The following KIRREL3 variants were observed in gnomAD, a reference collection of about 807,000 sequenced individuals.
The protein encoded by KIRREL3 is kirre like nephrin family adhesion molecule 3.
KIRREL3 carries 36 observed loss-of-function variants against 89.7 expected under a neutral mutation model. The observed-to-expected ratio is 0.40, with a 90% confidence interval of 0.31 to 0.53. The LOEUF (loss-of-function observed/expected upper bound fraction) is 0.53, where lower values mean the gene tolerates loss of function less well. Among genes scored for constraint, KIRREL3 ranks in the 20% least tolerant of loss-of-function variants. The pLI, the probability that KIRREL3 is intolerant of heterozygous loss-of-function variation, is 0.49. For missense variants in KIRREL3, 864 were observed against 1,056.6 expected, an observed-to-expected ratio of 0.82 and a Z score of 2.53; for synonymous variants, 445 against 441.4, an observed-to-expected ratio of 1.01 and a Z score of -0.10.
In KIRREL3 at chr11:126,748,885, T is replaced by C. The variant is rs1204248652; in HGVS notation, c.56-185973A>G. Among the ~76,000 whole-genome samples, 2 of 152,196 alleles carry C rather than the reference T, an allele frequency of 1.3e-5. No homozygotes were observed. The highest frequency in any genetic ancestry group is 2.9e-5 in the Non-Finnish European group (2 of 68,028). On this transcript the variant is annotated intron_variant, in intron 1 of 16. Transcript: ENST00000525144. The surrounding 1 kb of genome is among the most constrained non-coding windows in gnomAD (Gnocchi z 4.6). ...TACTCAGTGTATTTACCAAGCAATT[T>C]GCAAGACCAAGTAATTCCTTCTCAG...
chr11:126,974,958 G>A (rs184077196), intron 1 of KIRREL3, among the ~76,000 whole-genome samples: 1 of 152,054 alleles, frequency 6.6e-6, no homozygotes, highest in African/African-American at 2.4e-5. Context: ...CTGTCACCCA[G>A]GCTGGAGTGC....
chr11:126,528,490 A>G lies in KIRREL3; in HGVS notation c.134-1803T>C, dbSNP rs1958833495. 6.6e-6 allele frequency among the ~76,000 whole-genome samples: 1 copy of G among 152,254 alleles called. No homozygotes were observed. The highest frequency in any genetic ancestry group is 1.9e-4 in the East Asian group (1 of 5,200). ...GACAGGCAGGAAGGTGGCCGAGTTC[A>G]CAACCTGACAAGATCTTGGCAGGGT... On this transcript the variant is annotated intron_variant, in intron 2 of 16. Transcript: ENST00000525144. This position sits in a 1 kb window ranked among gnomAD's most constrained non-coding sequence, Gnocchi z 4.6.
At chr11:126,926,704 G>T (rs1360458886) in intron 1 of KIRREL3, among the ~76,000 whole-genome samples, 1 of 152,176 alleles carries the variant, frequency 6.6e-6, no homozygotes, top group African/African-American at 2.4e-5. Context: ...TTTCCCCCCT[G>T]CTCTGTGGTT....
intron 1 of KIRREL3, among the ~76,000 whole-genome samples, chr11:126,881,944 G>C (rs1370519590): frequency 6.6e-6 from 1 of 152,196 alleles, no homozygotes; most frequent in East Asian, 1.9e-4. Context: ...AGTGCTTGCA[G>C]GGATACAAGG....
chr11:126,451,369 TG>T (rs1421592816), intron 7 of KIRREL3, among the ~76,000 whole-genome samples: 1 of 68,092 alleles, frequency 1.5e-5, no homozygotes, highest in Non-Finnish European at 3.5e-5. Context: ...AGTGTGACTA[TG>T]TGTGAGCGTG....
rs1367816257 is a variant in KIRREL3, at chr11:126,876,857, C to T, written c.55+123598G>A. 6.6e-6 allele frequency among the ~76,000 whole-genome samples: 1 copy of T among 152,072 alleles called. No individual in the cohort carries two copies. Among genetic ancestry groups the T allele is most frequent in the Non-Finnish European group, 1.5e-5 (1 of 68,016 alleles). ...GCCATAAATATGTTTTTAATGAATA[C>T]AAAAAGAATGTCTTCTTTATGGAGC... On this transcript the variant is annotated intron_variant, in intron 1 of 16. Coordinates refer to ENST00000525144, the MANE Select transcript of KIRREL3 (RefSeq NM_032531.4). This position sits in a 1 kb window ranked among gnomAD's most constrained non-coding sequence, Gnocchi z 4.1.
chr11:126,836,436 G>T (rs111809140), intron 1 of KIRREL3, among the ~76,000 whole-genome samples: 10 of 151,656 alleles, frequency 6.6e-5, no homozygotes, highest in African/African-American at 2.4e-4. Flanking sequence ...TATGATAAGG[G>T]TCTGAGCCAA....
chr11:126,712,428 G>A (rs1947798196), intron 1 of KIRREL3, among the ~76,000 whole-genome samples: 1 of 152,228 alleles, frequency 6.6e-6, no homozygotes, highest in South Asian at 2.1e-4. Flanking sequence ...CCGGCGAAAG[G>A]CCACGCCTCT....
intron 2 of KIRREL3, among the ~76,000 whole-genome samples, chr11:126,540,111 G>A (rs1164757965): frequency 6.6e-6 from 1 of 152,170 alleles, no homozygotes; most frequent in African/African-American, 2.4e-5. Context: ...CCAGGCAGGG[G>A]TAGAAGACAG....
intron 2 of KIRREL3, among the ~76,000 whole-genome samples, chr11:126,560,438 T>C (rs560841617): frequency 6.6e-6 from 1 of 152,328 alleles, no homozygotes; most frequent in African/African-American, 2.4e-5. Context: ...AGCATTTTCT[T>C]TTTATTGCTT....
At position 126,943,957 on chromosome 11, in the gene KIRREL3, C is replaced by A. The variant is rs4936006; in HGVS notation, c.55+56498G>T. On this transcript the variant is annotated intron_variant, in intron 1 of 16. Coordinates refer to ENST00000525144, the MANE Select transcript of KIRREL3 (RefSeq NM_032531.4). The surrounding 1 kb of genome is among the most constrained non-coding windows in gnomAD (Gnocchi z 4.2). ...TATGTCACCTTGGCATTTGACAAAA[C>A]AGCAGAGGCAGGAAGTTTGCTCTCA... 0.23 allele frequency among the ~76,000 whole-genome samples: 34,604 copies of A among 152,036 alleles called. 4,584 individuals are homozygous for A. Among genetic ancestry groups the A allele is most frequent in the East Asian group, 0.64 (3,311 of 5,146 alleles).
At chr11:126,960,208 TA>T (rs1949044120) in intron 1 of KIRREL3, among the ~76,000 whole-genome samples, 1 of 152,062 alleles carries the variant, frequency 6.6e-6, no homozygotes, top group Admixed American at 6.5e-5. Context: ...CATAAATAAA[TA>T]AAAGGCAAAT....
chr11:126,661,352 G>A (rs1026389043), intron 1 of KIRREL3, among the ~76,000 whole-genome samples: 4 of 152,182 alleles, frequency 2.6e-5, no homozygotes, highest in African/African-American at 9.6e-5. Context: ...TTTGCAAGAA[G>A]AATGAGAGAA....
intron 1 of KIRREL3, among the ~76,000 whole-genome samples, chr11:126,613,653 A>G (rs1040148625): frequency 3.9e-5 from 6 of 152,182 alleles, no homozygotes; most frequent in South Asian, 2.1e-4. Context: ...TGCAGTAGAG[A>G]AAGAAGGAAA....
chr11:126,731,690 C>G (rs1948623162), intron 1 of KIRREL3, among the ~76,000 whole-genome samples: 1 of 152,224 alleles, frequency 6.6e-6, no homozygotes, highest in Non-Finnish European at 1.5e-5. Context: ...CTCATCAGAC[C>G]TGATGGCTCT....
rs999367620 is a variant in KIRREL3, at chr11:126,565,731, G to A, written c.56-2819C>T. Among the ~76,000 whole-genome samples, 1 of 152,136 alleles carries A rather than the reference G, an allele frequency of 6.6e-6. No individual in the cohort carries two copies. Among genetic ancestry groups the A allele is most frequent in the African/African-American group, 2.4e-5 (1 of 41,422 alleles). On this transcript the variant is annotated intron_variant, in intron 1 of 16. Coordinates refer to ENST00000525144, the MANE Select transcript of KIRREL3 (RefSeq NM_032531.4). The surrounding 1 kb of genome is among the most constrained non-coding windows in gnomAD (Gnocchi z 5.4). ...AAATTAAAGGTCATTGGGTTCACAT[G>A]AGTGTGCCAGCAGGGAGTGAAGTGG...
At chr11:126,457,939 C>T (rs746164809) in intron 6 of KIRREL3, among the ~76,000 whole-genome samples, 4 of 152,184 alleles carry the variant, frequency 2.6e-5, no homozygotes, top group African/African-American at 7.2e-5. Context: ...CTGGCCCTGC[C>T]CAGCTCAGGG....
At chr11:126,864,028 A>G (rs1445820928) in intron 1 of KIRREL3, among the ~76,000 whole-genome samples, 1 of 152,182 alleles carries the variant, frequency 6.6e-6, no homozygotes, top group Non-Finnish European at 1.5e-5. Context: ...AGTGGGTACT[A>G]GTTTCCTCCG....
In KIRREL3 at chr11:126,981,233, T is replaced by C. The variant is rs1398026896; in HGVS notation, c.55+19222A>G. ...GTTGGACCACAGCAAGACCTTCTTATTTTTGCAAGCTATTCTATTTTATTT... is the reference window on the plus strand; with the variant it reads ...GTTGGACCACAGCAAGACCTTCTTACTTTTGCAAGCTATTCTATTTTATTT... On this transcript the variant is annotated intron_variant, in intron 1 of 16. Coordinates refer to ENST00000525144, the MANE Select transcript of KIRREL3 (RefSeq NM_032531.4). The surrounding 1 kb of genome is among the most constrained non-coding windows in gnomAD (Gnocchi z 4.2). Among the ~76,000 whole-genome samples, 1 of 152,220 alleles carries C rather than the reference T, an allele frequency of 6.6e-6. No homozygotes were observed. Among genetic ancestry groups the C allele is most frequent in the Non-Finnish European group, 1.5e-5 (1 of 68,038 alleles).
Sources: gnomAD v4.1 joint callset for allele counts (sites outside exome capture counted in the v4.1 genomes callset) on GRCh38, gnomAD v4.1.1 for gene constraint, Gnocchi (gnomAD v3.1) non-coding constraint, MANE v1.5 for transcripts, NCBI Gene and HGNC (gene_info 2026-07-23, HGNC 2026-07-21) for gene names.